The following ZNF624 variants were observed in gnomAD, a reference collection of about 807,000 sequenced individuals.
The protein encoded by ZNF624 is zinc finger protein 624.
In ZNF624, 43 loss-of-function variants were observed where a neutral mutation model predicts 74.7. That is an observed-to-expected ratio of 0.58 (90% confidence interval 0.45 to 0.74). The LOEUF (loss-of-function observed/expected upper bound fraction) is 0.74, where lower values mean the gene tolerates loss of function less well. Ranked by LOEUF, ZNF624 falls within the 30% of genes least tolerant of loss-of-function variation. The probability of loss-of-function intolerance (pLI) is 0.00; values close to 1 mark genes in which losing one functional copy is unlikely to be tolerated. For missense variants in ZNF624, 820 were observed against 1,030.0 expected (o/e 0.80, Z 2.79); for synonymous variants, 331 against 341.3 (o/e 0.97, Z 0.33).
At chr17:16,647,919 ATTTATT>A (rs1160776186) in intron 2 of ZNF624, among the ~76,000 whole-genome samples, 29 of 151,748 alleles carry the variant, frequency 1.9e-4, no homozygotes, top group African/African-American at 3.6e-4. Context: ...TTATTTATTT[ATTTATT>A]TTTATTTTTA....
chr17:16,649,803 C>T lies in ZNF624; in HGVS notation c.-2-57G>A, dbSNP rs534980329. ...TCCTGCCTGGGGAATTTCAGACTCA[C>T]CAAGTTGGAATCCTGACATACAAGT... On this transcript the variant is annotated intron_variant, in intron 1 of 5. Transcript: ENST00000311331. 9 of 1,429,026 alleles carry T rather than the reference C, an allele frequency of 6.3e-6. No homozygotes were observed. The Admixed American group carries it at 1.2e-4, about 19-fold the overall frequency. The allele number at this position is 1,429,026 out of a possible 1,614,324, so 88.5% of individuals were successfully genotyped here.
At chr17:16,651,759 G>A (rs1346197961) in intron 1 of ZNF624, among the ~76,000 whole-genome samples, 3 of 151,962 alleles carry the variant, frequency 2.0e-5, no homozygotes, top group African/African-American at 7.3e-5. Flanking sequence ...ATAACTAGAG[G>A]GGTCTCAAAT....
chr17:16,651,414 A>G (rs1247946392), intron 1 of ZNF624, among the ~76,000 whole-genome samples: 1 of 149,430 alleles, frequency 6.7e-6, no homozygotes, highest in African/African-American at 2.5e-5. Flanking sequence ...TGGGCGACAC[A>G]GCGAGACTCC....
intron 3 of ZNF624, among the ~76,000 whole-genome samples, chr17:16,637,318 C>T (rs570707432): frequency 2.0e-5 from 3 of 152,190 alleles, no homozygotes; most frequent in African/African-American, 7.2e-5. Context: ...TTCAACGCCA[C>T]CCCCATCAAG....
intron 3 of ZNF624, among the ~76,000 whole-genome samples, chr17:16,641,853 A>T (rs1909474202): frequency 6.6e-6 from 1 of 152,250 alleles, no homozygotes; most frequent in Non-Finnish European, 1.5e-5. Flanking sequence ...AATTATCTGT[A>T]TACACTATCA....
intron 5 of ZNF624, among the ~76,000 whole-genome samples, chr17:16,628,036 G>A (rs1237510034): frequency 3.3e-5 from 5 of 152,162 alleles, no homozygotes; most frequent in Non-Finnish European, 7.4e-5. Context: ...AACAAGGGCA[G>A]ATCACCTGAG....
chr17:16,628,589 A>T lies in ZNF624; in HGVS notation c.377-4080T>A, dbSNP rs377513184. 9.2e-5 allele frequency among the ~76,000 whole-genome samples: 14 copies of T among 152,324 alleles called. No individual in the cohort carries two copies. In the East Asian group the frequency reaches 1.9e-3, roughly 21 times the overall value. On this transcript the variant is annotated intron_variant, in intron 5 of 5. Transcript: ENST00000311331. The stretch of plus-strand genomic sequence containing the variant: ...AATGGAAGATAGGTCAGTACAAAGT[A>T]TCCATACTGAAACACAAAATGATGA...
At chr17:16,643,560 T>C (rs987438695) in intron 3 of ZNF624, among the ~76,000 whole-genome samples, 2 of 152,184 alleles carry the variant, frequency 1.3e-5, no homozygotes, top group African/African-American at 2.4e-5. Flanking sequence ...ATGGGGTTTC[T>C]TTTTCAGGGT....
In ZNF624 at chr17:16,623,412, T is replaced by G. The variant is rs1271464540; in HGVS notation, c.1474A>C (p.Arg492=). 6.2e-7 allele frequency: 1 copy of G among 1,614,078 alleles called. No homozygotes were observed. Among genetic ancestry groups the G allele is most frequent in the South Asian group, 1.1e-5 (1 of 91,064 alleles). ...TAGGGTTTTTCCCCAGTGTGAGTTC[T>G]TATATGTACGATAAGGCTTGAATTA... is the stretch of plus-strand genomic sequence containing the variant. The part of the protein sequence containing the change: ...RSNSSLIVHI[R]THTGEKPYEC... The change falls in exon 6 of 6, where the codon AGA becomes CGA. Residue 492 remains arginine (R), a synonymous_variant. Coordinates refer to ENST00000311331, the MANE Select transcript of ZNF624 (RefSeq NM_020787.4). The surrounding 1 kb of genome is among the most constrained non-coding windows in gnomAD (Gnocchi z 5.3).
intron 3 of ZNF624, among the ~76,000 whole-genome samples, chr17:16,645,932 C>T (rs1277379018): frequency 2.6e-5 from 3 of 114,418 alleles, no homozygotes; most frequent in East Asian, 2.4e-4. Context: ...GGTGACAGAG[C>T]GAGACTCCAT....
At chr17:16,617,534 G>A (rs188906977), downstream of ZNF624, 610 of 1,580,166 alleles carry the variant, frequency 3.9e-4, 4 homozygotes, top group African/African-American at 7.5e-3. Flanking sequence ...AGACTAGAAA[G>A]ATTTTCTACA....
chr17:16,633,985 G>T (rs1909267158), intron 4 of ZNF624, 28 bp from the exon 5 acceptor site: 1 of 1,586,182 alleles, frequency 6.3e-7, no homozygotes, highest in African/African-American at 1.3e-5. Flanking sequence ...AATAGGATTT[G>T]ATTGGAGCCA....
At position 16,622,446 on chromosome 17, in the gene ZNF624, C is replaced by A; in HGVS notation, c.2440G>T (p.Gly814Ter). 6.2e-7 allele frequency: 1 copy of A among 1,613,990 alleles called. No homozygotes were observed. Residue 814 changes from glycine to a stop codon, truncating the protein, a stop_gained, in exon 6 of 6, where the codon GGA becomes TGA. Transcript: ENST00000311331. LOFTEE classifies it high-confidence loss of function. ...GERPYKCEEC[G>*]KAFRTNSDFT... The stretch of plus-strand genomic sequence containing the variant: ...TCTGAGTTAGTTCTGAAGGCTTTTC[C>A]ACATTCTTCACATTTATAGGGCCTC...
chr17:16,625,440 C>T (rs564371816), intron 5 of ZNF624, among the ~76,000 whole-genome samples: 18 of 152,292 alleles, frequency 1.2e-4, no homozygotes, highest in African/African-American at 4.1e-4. Flanking sequence ...CCTCAGCCTC[C>T]CAAAGTGCTG....
At position 16,623,370 on chromosome 17, in the gene ZNF624, CACATTCATT is replaced by C; in HGVS notation, c.1507_1515del (p.Asn503_Cys505del). ...TTTGCGATGCGGTTGAATGCTTTCCCACATTCATTACATTCATAGGGTTTTTCCCCAGTG... is the reference window on the plus strand; with the variant it reads ...TTTGCGATGCGGTTGAATGCTTTCCCACATTCATAGGGTTTTTCCCCAGTG... On this transcript the variant is annotated inframe_deletion, in exon 6 of 6. Coordinates refer to ENST00000311331, the MANE Select transcript of ZNF624 (RefSeq NM_020787.4). The surrounding 1 kb of genome is among the most constrained non-coding windows in gnomAD (Gnocchi z 5.3). 1 of 1,613,802 alleles carries C rather than the reference CACATTCATT, an allele frequency of 6.2e-7. No individual in the cohort carries two copies. Among genetic ancestry groups the C allele is most frequent in the Non-Finnish European group, 8.5e-7 (1 of 1,179,782 alleles).
At chr17:16,614,885 T>C in the ZNF624 span, among the ~76,000 whole-genome samples, 1 of 152,238 alleles carries the variant, frequency 6.6e-6, no homozygotes, top group African/African-American at 2.4e-5. Context: ...ATTGCTTTAA[T>C]ATCTAAAAAT....
chr17:16,617,120 G>C, downstream of ZNF624: 9 of 1,612,834 alleles, frequency 5.6e-6, no homozygotes, highest in South Asian at 9.9e-5. Flanking sequence ...TGGGAGCCCC[G>C]ATCAGACTTG....
intron 5 of ZNF624, among the ~76,000 whole-genome samples, chr17:16,625,679 T>TA (rs1480889854): frequency 6.6e-6 from 1 of 152,238 alleles, no homozygotes. Context: ...ATATTTCAAA[T>TA]AGTGGTAATT....
downstream of ZNF624, chr17:16,617,074 T>C: frequency 1.2e-6 from 2 of 1,612,286 alleles, no homozygotes; most frequent in Non-Finnish European, 1.7e-6. Context: ...TCGATATTTC[T>C]CATACTCATC....
Sources: allele counts gnomAD v4.1 joint callset (sites outside exome capture counted in the v4.1 genomes callset), GRCh38; gene constraint gnomAD v4.1.1; non-coding constraint Gnocchi (gnomAD v3.1); transcripts MANE v1.5; gene names NCBI Gene and HGNC (gene_info 2026-07-23, HGNC 2026-07-21).